Variants in N4BP2L2 observed in about 807,000 individuals in gnomAD.
The protein encoded by N4BP2L2 is NEDD4-binding protein 2-like 2.
A neutral mutation model predicts 56.2 loss-of-function variants in N4BP2L2; 50 were observed. The ratio of observed to expected loss-of-function variants is 0.89; its 90% CI spans 0.71 to 1.13. The LOEUF (loss-of-function observed/expected upper bound fraction) is 1.13, where lower values mean the gene tolerates loss of function less well. N4BP2L2 is among the 50% of genes most tolerant of loss of function. The pLI is 0.00. For synonymous variants in N4BP2L2, 203 were observed against 223.6 expected (o/e 0.91, Z 0.82); for missense variants, 689 against 693.8 (o/e 0.99, Z 0.08).
chr13:32,461,933 A>G (rs2080163617), intron 6 of N4BP2L2, among the ~76,000 whole-genome samples: 1 of 152,222 alleles, frequency 6.6e-6, no homozygotes, highest in Non-Finnish European at 1.5e-5. Context: ...AGACAAAAAA[A>G]TAAAGTAACA....
chr13:32,483,661 T>A (rs2085235335), intron 6 of N4BP2L2, among the ~76,000 whole-genome samples: 1 of 152,212 alleles, frequency 6.6e-6, no homozygotes, highest in Non-Finnish European at 1.5e-5. Context: ...TTTTTACTTT[T>A]AAAAAACTAA....
At chr13:32,491,255 A>G (rs1193071992) in intron 6 of N4BP2L2, among the ~76,000 whole-genome samples, 1 of 152,104 alleles carries the variant, frequency 6.6e-6, no homozygotes, top group Non-Finnish European at 1.5e-5. Context: ...CATATTTTAC[A>G]TATATTATAA....
intron 6 of N4BP2L2, among the ~76,000 whole-genome samples, chr13:32,476,674 A>T (rs982006199): frequency 1.3e-5 from 2 of 152,254 alleles, no homozygotes; most frequent in African/African-American, 2.4e-5. Flanking sequence ...ATAGCAAAAA[A>T]TAACAGAATA....
chr13:32,436,785 C>CAAAA (rs1174354861), intron 8 of N4BP2L2, among the ~76,000 whole-genome samples: 2 of 44,986 alleles, frequency 4.4e-5, no homozygotes, highest in Admixed American at 3.7e-4. Flanking sequence ...GTGTGACTGT[C>CAAAA]AAAAAAAAAA....
At chr13:32,527,346 A>T (rs1226656662) in intron 3 of N4BP2L2, 62 bp downstream of exon 3, 3 of 1,564,842 alleles carry the variant, frequency 1.9e-6, no homozygotes, top group Non-Finnish European at 8.7e-7. Context: ...CTGAAAATAA[A>T]ATCTAGGTCT....
intron 6 of N4BP2L2, among the ~76,000 whole-genome samples, chr13:32,484,319 C>A (rs1438136310): frequency 6.6e-6 from 1 of 151,730 alleles, no homozygotes; most frequent in Non-Finnish European, 1.5e-5. Flanking sequence ...AGAGAAAGAC[C>A]CTGACTCAAA....
At chr13:32,470,086 G>A (rs1366613174) in intron 6 of N4BP2L2, among the ~76,000 whole-genome samples, 2 of 152,150 alleles carry the variant, frequency 1.3e-5, no homozygotes, top group East Asian at 1.9e-4. Context: ...GCCATCAGCC[G>A]CTTGGCTCTC....
chr13:32,439,199 C>T (rs2075890903), intron 7 of N4BP2L2, among the ~76,000 whole-genome samples: 1 of 152,206 alleles, frequency 6.6e-6, no homozygotes, highest in Non-Finnish European at 1.5e-5. Context: ...CTTCTACAAT[C>T]CTTTTAGCAC....
intron 6 of N4BP2L2, among the ~76,000 whole-genome samples, chr13:32,470,607 T>A (rs1042084450): frequency 9.9e-5 from 15 of 152,192 alleles, no homozygotes; most frequent in Admixed American, 7.2e-4. Flanking sequence ...AGGGAAGCAG[T>A]TAGCAGCTAT....
At chr13:32,486,091 T>C (rs2085788675) in intron 6 of N4BP2L2, among the ~76,000 whole-genome samples, 1 of 151,308 alleles carries the variant, frequency 6.6e-6, no homozygotes, top group Admixed American at 6.6e-5. Flanking sequence ...TAAATCAAAA[T>C]AAACTAGGAA....
exon 2 of N4BP2L2, chr13:32,535,790 G>A: frequency 6.2e-7 from 1 of 1,613,646 alleles, no homozygotes; most frequent in South Asian, 1.1e-5. Flanking sequence ...TGTTTTCCCA[G>A]AACCAGGCAG....
At chr13:32,520,502 C>T (rs2140003815) in intron 5 of N4BP2L2, among the ~76,000 whole-genome samples, 1 of 151,552 alleles carries the variant, frequency 6.6e-6, no homozygotes, top group Admixed American at 6.6e-5. Context: ...ACTAAAAATA[C>T]AAAAAAATTA....
At position 32,500,356 on chromosome 13, in the gene N4BP2L2, G is replaced by C. The variant is rs973148036; in HGVS notation, c.365+17501C>G. On this transcript the variant is annotated intron_variant, in intron 6 of 9. Coordinates refer to the N4BP2L2 transcript ENST00000357505. The stretch of plus-strand genomic sequence containing the variant: ...TACAAATAAAATTATTTCTCTATAA[G>C]TAAATTGTTTCTAAATAACTTCTAC... Among the ~76,000 whole-genome samples, 7 of 151,914 alleles carry C rather than the reference G, an allele frequency of 4.6e-5. No individual in the cohort carries two copies. The East Asian group carries it at 1.2e-3, about 25-fold the overall frequency.
rs72053635 is a variant in N4BP2L2, at chr13:32,492,273, A to ATTTTTTTTTTTT, written c.365+25572_365+25583dup. On this transcript the variant is annotated intron_variant, in intron 6 of 9. Transcript: ENST00000357505. ...TTTCTACACATCCCAAAACACCAAAATTTTTTTTTTTTTTTTTTTTTTTTT... is the reference window on the plus strand; with the variant it reads ...TTTCTACACATCCCAAAACACCAAAATTTTTTTTTTTTTTTTTTTTTTTTTTTTTTTTTTTTT... Among the ~76,000 whole-genome samples the ATTTTTTTTTTTT allele has an allele frequency of 3.5e-4, 25 of 72,144 alleles. 2 individuals are homozygous for ATTTTTTTTTTTT. The highest frequency in any genetic ancestry group is 1.1e-3 in the African/African-American group (19 of 17,668). The allele number at this position is 72,144 out of a possible 152,430, so 47.3% of individuals were successfully genotyped here.
exon 6 of N4BP2L2, chr13:32,511,024 C>G (rs756076776): frequency 1.3e-5 from 2 of 151,310 alleles, no homozygotes; most frequent in African/African-American, 4.9e-5. Context: ...TACAGGGTTA[C>G]AGTAGATACA....
At chr13:32,504,236 ATTTATT>A (rs2090535922) in intron 6 of N4BP2L2, among the ~76,000 whole-genome samples, 1 of 152,232 alleles carries the variant, frequency 6.6e-6, no homozygotes, top group Non-Finnish European at 1.5e-5. Flanking sequence ...AGAGCTGCGT[ATTTATT>A]TGCTAGGGTT....
At chr13:32,485,831 G>A (rs929160662) in intron 6 of N4BP2L2, among the ~76,000 whole-genome samples, 2 of 152,174 alleles carry the variant, frequency 1.3e-5, no homozygotes, top group Non-Finnish European at 2.9e-5. Flanking sequence ...CACTTTGGGA[G>A]GCCAAGGTGG....
intron 6 of N4BP2L2, among the ~76,000 whole-genome samples, chr13:32,445,308 T>C (rs2076891253): frequency 6.6e-6 from 1 of 152,178 alleles, no homozygotes; most frequent in Non-Finnish European, 1.5e-5. Context: ...AAAAGGTACA[T>C]AAACATATGG....
At chr13:32,467,509 C>T (rs1344972616) in intron 6 of N4BP2L2, among the ~76,000 whole-genome samples, 1 of 151,052 alleles carries the variant, frequency 6.6e-6, no homozygotes, top group East Asian at 2.0e-4. Flanking sequence ...AACTCCTGAC[C>T]TCAAGTGATC....
Sources: allele counts gnomAD v4.1 joint callset (sites outside exome capture counted in the v4.1 genomes callset), GRCh38; gene constraint gnomAD v4.1.1; transcripts MANE v1.5; gene names NCBI Gene and HGNC (gene_info 2026-07-23, HGNC 2026-07-21).